KCNIP4: variants seen among roughly 807,000 people sequenced by gnomAD.
KCNIP4 encodes the protein potassium voltage-gated channel interacting protein 4.
Under a neutral mutation model 34.0 loss-of-function variants are expected in KCNIP4, and 12 were observed. The ratio of observed to expected loss-of-function variants is 0.35; its 90% CI spans 0.23 to 0.57. KCNIP4 has a LOEUF of 0.57. KCNIP4 is among the 20% of genes least tolerant of loss of function. The probability of loss-of-function intolerance (pLI) is 0.83; values close to 1 mark genes in which losing one functional copy is unlikely to be tolerated. For missense variants in KCNIP4, 238 were observed against 311.7 expected, an observed-to-expected ratio of 0.76 and a Z score of 1.78; for synonymous variants, 124 against 102.2, an observed-to-expected ratio of 1.21 and a Z score of -1.29.
rs80256680 is a variant in KCNIP4 at position 21,803,699 on chromosome 4, C to G, written c.61+144872G>C. On this transcript the variant is annotated intron_variant, in intron 1 of 8. Transcript: ENST00000382152. ...TTCCCCTTGTCTGTCCTTCTTACCT[C>G]TCAGTTCAATAGACACTTCCCCAGT... Among the ~76,000 whole-genome samples, 478 of 152,226 alleles carry G rather than the reference C, an allele frequency of 3.1e-3. 2 individuals carry two copies. Among genetic ancestry groups the G allele is most frequent in the Non-Finnish European group, 4.2e-3 (287 of 68,018 alleles).
intron 1 of KCNIP4, among the ~76,000 whole-genome samples, chr4:21,648,093 T>A (rs1484182886): frequency 6.6e-6 from 1 of 151,904 alleles, no homozygotes; most frequent in East Asian, 2.0e-4. Context: ...GAGGATGGTC[T>A]CGATCTCCTG....
At chr4:21,403,276 T>C (rs1316746131) in intron 1 of KCNIP4, among the ~76,000 whole-genome samples, 3 of 152,206 alleles carry the variant, frequency 2.0e-5, no homozygotes, top group Admixed American at 1.3e-4. Context: ...ATTGTCCATA[T>C]CCACACCCAT....
In KCNIP4 at chr4:21,559,848, T is replaced by G. The variant is rs543629622; in HGVS notation, c.61+388723A>C. Among the ~76,000 whole-genome samples the G allele has an allele frequency of 2.6e-5, 4 of 152,244 alleles. No homozygotes were observed. In the South Asian group the frequency reaches 8.3e-4, roughly 32 times the overall value. ...CATCTGTATCTCTTACTACTTCTAT[T>G]CTTTCTCCCATTCTCTCACATGAAT... On this transcript the variant is annotated intron_variant, in intron 1 of 8. Coordinates refer to ENST00000382152, the MANE Select transcript of KCNIP4 (RefSeq NM_025221.6).
chr4:21,931,352 T>A (rs1729553471), intron 1 of KCNIP4, among the ~76,000 whole-genome samples: 1 of 151,648 alleles, frequency 6.6e-6, no homozygotes, highest in Non-Finnish European at 1.5e-5. Context: ...TGTGCCATGT[T>A]GGTGTGCTGC....
intron 1 of KCNIP4, among the ~76,000 whole-genome samples, chr4:21,655,352 G>A (rs897775419): frequency 9.2e-5 from 14 of 151,960 alleles, no homozygotes; most frequent in Admixed American, 2.0e-4. Context: ...ATCAAAAGCC[G>A]AAATGAGGAG....
chr4:21,917,165 C>T (rs570749238), intron 1 of KCNIP4, among the ~76,000 whole-genome samples: 3 of 152,216 alleles, frequency 2.0e-5, no homozygotes, highest in South Asian at 2.1e-4. Flanking sequence ...GACAGAGTCT[C>T]GCACTGTCGC....
At chr4:20,757,662 T>A (rs1248518187) in intron 4 of KCNIP4, among the ~76,000 whole-genome samples, 1 of 152,138 alleles carries the variant, frequency 6.6e-6, no homozygotes, top group African/African-American at 2.4e-5. Context: ...CGGGAAGACA[T>A]CATACTCAGA....
chr4:21,409,696 A>T (rs1339596933), intron 1 of KCNIP4, among the ~76,000 whole-genome samples: 5 of 152,224 alleles, frequency 3.3e-5, no homozygotes, highest in African/African-American at 1.2e-4. Context: ...TATAAAATAC[A>T]TCGTTAGGAA....
In KCNIP4 at chr4:21,151,405, A is replaced by ATTTTTTTTTTTTTT. The variant is rs1491541435; in HGVS notation, c.62-268697_62-268696insAAAAAAAAAAAAAA. 5.2e-4 allele frequency among the ~76,000 whole-genome samples: 49 copies of ATTTTTTTTTTTTTT among 93,510 alleles called. 16 individuals carry two copies. Among genetic ancestry groups the ATTTTTTTTTTTTTT allele is most frequent in the African/African-American group, 8.5e-4 (21 of 24,700 alleles). 61.3% of individuals were successfully genotyped at this position (93,510 alleles called of 152,430 possible). A position where few individuals can be genotyped will look rare whatever the true frequency, so the allele number is the denominator to read the frequency against. On this transcript the variant is annotated intron_variant, in intron 1 of 8. Coordinates refer to ENST00000382152, the MANE Select transcript of KCNIP4 (RefSeq NM_025221.6). The stretch of plus-strand genomic sequence containing the variant: ...AGAATGGATGTCTTCAACAAAAGAC[A>ATTTTTTTTTTTTTT]ATTTTTTTTTTTTTTTTTTTTTTTT...
At chr4:20,796,275 T>A (rs1713447153) in intron 3 of KCNIP4, among the ~76,000 whole-genome samples, 1 of 152,176 alleles carries the variant, frequency 6.6e-6, no homozygotes, top group Non-Finnish European at 1.5e-5. Context: ...TGCCACCCAG[T>A]TGGAAGGAGC....
chr4:21,186,817 T>A (rs1318184720), intron 1 of KCNIP4, among the ~76,000 whole-genome samples: 1 of 152,082 alleles, frequency 6.6e-6, no homozygotes, highest in Non-Finnish European at 1.5e-5. Flanking sequence ...GTTAATTTTT[T>A]AAATTTTCTT....
At chr4:21,358,625 AATGAG>A (rs72451816) in intron 1 of KCNIP4, among the ~76,000 whole-genome samples, 36,963 of 151,774 alleles carry the variant, frequency 0.24, 4,978 homozygotes, top group Middle Eastern at 0.4. Context: ...AGTGTTTCTG[AATGAG>A]ATGAGATTTG....
At chr4:21,816,302 C>T (rs1194892395) in intron 1 of KCNIP4, among the ~76,000 whole-genome samples, 1 of 152,104 alleles carries the variant, frequency 6.6e-6, no homozygotes, top group Admixed American at 6.6e-5. Flanking sequence ...TTAAACATAA[C>T]TCTGAATATC....
chr4:21,472,203 G>A (rs1016283252), intron 1 of KCNIP4, among the ~76,000 whole-genome samples: 9 of 152,132 alleles, frequency 5.9e-5, no homozygotes, highest in Non-Finnish European at 1.3e-4. Flanking sequence ...TTAATGGAAT[G>A]AGAGTAGACA....
intron 1 of KCNIP4, among the ~76,000 whole-genome samples, chr4:20,940,031 C>A (rs903754260): frequency 6.6e-6 from 1 of 152,184 alleles, no homozygotes; most frequent in Non-Finnish European, 1.5e-5. Flanking sequence ...AGACTTATTT[C>A]TTACAACTGC....
chr4:20,743,861 A>C (rs1464428616), intron 5 of KCNIP4, among the ~76,000 whole-genome samples: 2 of 152,158 alleles, frequency 1.3e-5, no homozygotes, highest in African/African-American at 4.8e-5. Context: ...AAATTTTCGC[A>C]ACCTACTCAT....
chr4:20,909,698 T>C (rs1728145872), intron 1 of KCNIP4, among the ~76,000 whole-genome samples: 1 of 152,194 alleles, frequency 6.6e-6, no homozygotes, highest in Admixed American at 6.5e-5. Context: ...AAGTTAATAC[T>C]CACTTCCCTG....
At position 21,788,428 on chromosome 4, in the gene KCNIP4, T is replaced by A. The variant is rs1053963005; in HGVS notation, c.61+160143A>T. On this transcript the variant is annotated intron_variant, in intron 1 of 8. Transcript: ENST00000382152. The stretch of plus-strand genomic sequence containing the variant: ...AATGTTCTAATCAATTACTTTAACT[T>A]CTATGCTATGAATTATGAGGAATGC... Among the ~76,000 whole-genome samples, 3 of 152,304 alleles carry A rather than the reference T, an allele frequency of 2.0e-5. No homozygotes were observed. The East Asian group carries it at 5.8e-4, about 29-fold the overall frequency.
chr4:20,872,439 A>C (rs1723578345), intron 2 of KCNIP4, among the ~76,000 whole-genome samples: 1 of 152,162 alleles, frequency 6.6e-6, no homozygotes, highest in African/African-American at 2.4e-5. Flanking sequence ...TTTGAAATGT[A>C]AGAAGGCTAA....
Sources: allele counts gnomAD v4.1 joint callset (sites outside exome capture counted in the v4.1 genomes callset), GRCh38; gene constraint gnomAD v4.1.1; transcripts MANE v1.5; gene names NCBI Gene and HGNC (gene_info 2026-07-23, HGNC 2026-07-21).